Variants in OSBP2 observed in about 807,000 individuals in gnomAD.
OSBP2 encodes the protein oxysterol-binding protein 2.
A neutral mutation model predicts 96.0 loss-of-function variants in OSBP2; 66 were observed. The ratio of observed to expected loss-of-function variants is 0.69; its 90% CI spans 0.56 to 0.84. The LOEUF (loss-of-function observed/expected upper bound fraction) is 0.84, where lower values mean the gene tolerates loss of function less well. Ranked by LOEUF, OSBP2 falls within the 40% of genes least tolerant of loss-of-function variation. The pLI, the probability that OSBP2 is intolerant of heterozygous loss-of-function variation, is 0.00. For missense variants in OSBP2, 1,038 were observed against 1,222.7 expected (o/e 0.85, Z 2.25); for synonymous variants, 525 against 520.9 (o/e 1.01, Z -0.11).
At chr22:30,793,329 G>T (rs927901835) in intron 2 of OSBP2, among the ~76,000 whole-genome samples, 4 of 152,126 alleles carry the variant, frequency 2.6e-5, no homozygotes, top group African/African-American at 9.7e-5. Flanking sequence ...GGTGGAGGTT[G>T]CAGTGAGCTG....
intron 3 of OSBP2, among the ~76,000 whole-genome samples, chr22:30,883,233 C>T (rs1369462012): frequency 1.3e-5 from 2 of 152,230 alleles, no homozygotes; most frequent in African/African-American, 4.8e-5. Flanking sequence ...GGCCTCTGCA[C>T]CCCTACTTGC....
intron 2 of OSBP2, among the ~76,000 whole-genome samples, chr22:30,762,440 C>T (rs915365460): frequency 6.0e-5 from 9 of 150,914 alleles, no homozygotes; most frequent in Non-Finnish European, 1.0e-4. Flanking sequence ...CCCAGCTACT[C>T]GGGAGGCTGA....
intron 2 of OSBP2, among the ~76,000 whole-genome samples, chr22:30,807,899 C>A (rs1170961475): frequency 1.3e-5 from 2 of 152,192 alleles, no homozygotes; most frequent in Non-Finnish European, 2.9e-5. Flanking sequence ...GATCCTCCTG[C>A]CTTAGCCTCC....
At chr22:30,872,478 C>G (rs1253888205) in intron 3 of OSBP2, 2 of 417,568 alleles carry the variant, frequency 4.8e-6, no homozygotes, top group African/African-American at 4.1e-5. Flanking sequence ...ACGAAGCCAT[C>G]AGAACAGCTC....
intron 2 of OSBP2, among the ~76,000 whole-genome samples, chr22:30,822,978 TATA>T (rs1174481861): frequency 6.6e-6 from 1 of 152,152 alleles, no homozygotes; most frequent in African/African-American, 2.4e-5. Context: ...GAAAATGAAA[TATA>T]ATCTATATCT....
At chr22:30,707,183 G>T (rs930923508) in intron 1 of OSBP2, among the ~76,000 whole-genome samples, 5 of 151,784 alleles carry the variant, frequency 3.3e-5, no homozygotes, top group Non-Finnish European at 7.4e-5. Context: ...TGCAACCTCC[G>T]CCTCCCGTGT....
At chr22:30,697,613 T>C (rs2145660659) in intron 1 of OSBP2, among the ~76,000 whole-genome samples, 1 of 152,312 alleles carries the variant, frequency 6.6e-6, no homozygotes, top group Admixed American at 6.5e-5. Context: ...ATTCTCTGGG[T>C]AACTAAGAAA....
intron 3 of OSBP2, among the ~76,000 whole-genome samples, chr22:30,879,598 C>G (rs950482013): frequency 2.0e-5 from 3 of 152,212 alleles, no homozygotes; most frequent in African/African-American, 7.2e-5. Context: ...CACAGCATGA[C>G]AGCTTGGCTG....
chr22:30,828,587 A>G (rs959154542), intron 2 of OSBP2, among the ~76,000 whole-genome samples: 1 of 152,156 alleles, frequency 6.6e-6, no homozygotes, highest in African/African-American at 2.4e-5. Flanking sequence ...GCGAGTGGGC[A>G]GGGATCCCAG....
intron 3 of OSBP2, among the ~76,000 whole-genome samples, chr22:30,875,301 T>A (rs756636842): frequency 6.6e-6 from 1 of 151,954 alleles, no homozygotes; most frequent in Non-Finnish European, 1.5e-5. Flanking sequence ...AACCACACTT[T>A]CCATGTGCAC....
At chr22:30,723,112 T>C (rs1261064499) in intron 1 of OSBP2, among the ~76,000 whole-genome samples, 1 of 151,592 alleles carries the variant, frequency 6.6e-6, no homozygotes, top group African/African-American at 2.4e-5. Flanking sequence ...TACATTACAA[T>C]TGGTTGATAT....
chr22:30,713,207 T>C (rs568030390), intron 1 of OSBP2, among the ~76,000 whole-genome samples: 1 of 151,880 alleles, frequency 6.6e-6, no homozygotes, highest in East Asian at 1.9e-4. Context: ...GCCACCCTAG[T>C]AGCTGGGACT....
At chr22:30,791,845 T>C (rs1452465491) in intron 2 of OSBP2, among the ~76,000 whole-genome samples, 1 of 152,216 alleles carries the variant, frequency 6.6e-6, no homozygotes, top group Non-Finnish European at 1.5e-5. Flanking sequence ...GGAGCCTTTA[T>C]AATAAATGGT....
At chr22:30,695,990 G>T (rs2089024937) in intron 1 of OSBP2, among the ~76,000 whole-genome samples, 1 of 152,124 alleles carries the variant, frequency 6.6e-6, no homozygotes, top group Admixed American at 6.6e-5. Context: ...CTTAGGAAGG[G>T]CTGCTTATTC....
chr22:30,816,604 C>T (rs956819064), intron 2 of OSBP2, among the ~76,000 whole-genome samples: 3 of 152,210 alleles, frequency 2.0e-5, no homozygotes, highest in African/African-American at 7.2e-5. Context: ...AGGCTCAGCT[C>T]CCAGAGAGGC....
chr22:30,898,182 A>G (rs546934690), intron 12 of OSBP2, among the ~76,000 whole-genome samples: 5 of 152,162 alleles, frequency 3.3e-5, no homozygotes, highest in Middle Eastern at 3.4e-3. Flanking sequence ...CTCTACCAAA[A>G]AAAAATTTTT....
chr22:30,751,500 G>A (rs1489544793), intron 2 of OSBP2, among the ~76,000 whole-genome samples: 1 of 152,048 alleles, frequency 6.6e-6, no homozygotes, highest in Non-Finnish European at 1.5e-5. Flanking sequence ...GATTATAGGT[G>A]TCCACCACCA....
chr22:30,848,235 T>C (rs1476964100), intron 2 of OSBP2, among the ~76,000 whole-genome samples: 1 of 152,156 alleles, frequency 6.6e-6, no homozygotes, highest in African/African-American at 2.4e-5. Context: ...GGATGTTTCA[T>C]TCTAAAAAGC....
intron 2 of OSBP2, among the ~76,000 whole-genome samples, chr22:30,812,689 A>C (rs1327502878): frequency 1.3e-5 from 2 of 152,260 alleles, no homozygotes; most frequent in African/African-American, 4.8e-5. Context: ...ATAAGTATCA[A>C]CAGATGCTAT....
Sources: gnomAD v4.1 joint callset for allele counts (sites outside exome capture counted in the v4.1 genomes callset) on GRCh38, gnomAD v4.1.1 for gene constraint, MANE v1.5 for transcripts, NCBI Gene and HGNC (gene_info 2026-07-23, HGNC 2026-07-21) for gene names.